Variants in GLB1 observed in about 807,000 individuals in gnomAD.
GLB1 encodes beta-galactosidase.
A neutral mutation model predicts 74.0 loss-of-function variants in GLB1; 56 were observed. The ratio of observed to expected loss-of-function variants is 0.76; its 90% CI spans 0.61 to 0.94. The LOEUF (loss-of-function observed/expected upper bound fraction) is 0.94. Among genes scored for constraint, GLB1 ranks in the 40% least tolerant of loss-of-function variants. The pLI, the probability that GLB1 is intolerant of heterozygous loss-of-function variation, is 0.00. For synonymous variants in GLB1, 323 were observed against 323.6 expected (o/e 1.00, Z 0.02); for missense variants, 787 against 845.5 (o/e 0.93, Z 0.86).
chr3:32,986,763 G>A, the GLB1 span, among the ~76,000 whole-genome samples: 57 of 152,010 alleles, frequency 3.7e-4, no homozygotes, highest in East Asian at 9.3e-3. Flanking sequence ...GCTAATTTTC[G>A]TGTTTTTAGT....
intron 10 of GLB1, among the ~76,000 whole-genome samples, chr3:33,040,003 T>C (rs990184365): frequency 1.3e-5 from 2 of 152,104 alleles, no homozygotes; most frequent in African/African-American, 4.8e-5. Context: ...CTGCATAAAC[T>C]GATAGAAATA....
the GLB1 span, among the ~76,000 whole-genome samples, chr3:32,966,854 T>C: frequency 6.6e-6 from 1 of 152,232 alleles, no homozygotes; most frequent in Non-Finnish European, 1.5e-5. Context: ...CTGCATACGC[T>C]GTCTTGCCTG....
At chr3:32,986,540 G>A in the GLB1 span, among the ~76,000 whole-genome samples, 51 of 151,494 alleles carry the variant, frequency 3.4e-4, no homozygotes, top group Non-Finnish European at 2.2e-4. Flanking sequence ...CACCTATGTC[G>A]CCGTGAATGG....
At chr3:33,002,591 T>C (rs1450453529) in intron 15 of GLB1, among the ~76,000 whole-genome samples, 3 of 152,136 alleles carry the variant, frequency 2.0e-5, no homozygotes, top group East Asian at 1.9e-4. Flanking sequence ...TTTTTAAAAA[T>C]AGACATAGAA....
intron 9 of GLB1, among the ~76,000 whole-genome samples, chr3:33,049,106 C>A (rs2125518143): frequency 6.6e-6 from 1 of 152,142 alleles, no homozygotes; most frequent in Admixed American, 6.5e-5. Context: ...GTGTCATGAA[C>A]CATAAAGTTC....
chr3:33,084,017 T>C (rs561875969), intron 1 of GLB1, among the ~76,000 whole-genome samples: 1 of 152,342 alleles, frequency 6.6e-6, no homozygotes, highest in Middle Eastern at 3.4e-3. Flanking sequence ...ATGCTGATTA[T>C]GTGAAGATGA....
chr3:32,967,518 T>G, the GLB1 span, among the ~76,000 whole-genome samples: 1 of 152,106 alleles, frequency 6.6e-6, no homozygotes, highest in Non-Finnish European at 1.5e-5. Context: ...AGATGGTATG[T>G]GAATTATATA....
chr3:33,065,452 T>G lies in GLB1; in HGVS notation c.552+11A>C, dbSNP rs1192544218. 2 of 1,572,086 alleles carry G rather than the reference T, an allele frequency of 1.3e-6. No homozygotes were observed. The highest frequency in any genetic ancestry group is 2.3e-5 in the East Asian group (1 of 43,560). On this transcript the variant is annotated intron_variant, in intron 5 of 15. Coordinates refer to ENST00000307363, the MANE Select transcript of GLB1 (RefSeq NM_000404.4). ...CTCCCCCAATCCATCCATGCTCAAC[T>G]CCAGGGTTACCTGCACTGTTATAAC...
At chr3:33,031,946 C>A (rs568649784) in intron 10 of GLB1, among the ~76,000 whole-genome samples, 1 of 152,020 alleles carries the variant, frequency 6.6e-6, no homozygotes, top group African/African-American at 2.4e-5. Flanking sequence ...TACAGGCATA[C>A]GCCATCATGC....
chr3:33,084,572 G>C (rs923191173), intron 1 of GLB1, among the ~76,000 whole-genome samples: 10 of 152,116 alleles, frequency 6.6e-5, no homozygotes, highest in South Asian at 6.2e-4. Flanking sequence ...CATTCCAAAA[G>C]ACTGGATAAA....
At chr3:32,970,127 C>A in the GLB1 span, among the ~76,000 whole-genome samples, 1 of 152,150 alleles carries the variant, frequency 6.6e-6, no homozygotes, top group Non-Finnish European at 1.5e-5. Flanking sequence ...GACAATGAAC[C>A]AACATTTGTG....
At chr3:33,056,939 C>CA (rs1370728078) in intron 6 of GLB1, among the ~76,000 whole-genome samples, 3 of 152,114 alleles carry the variant, frequency 2.0e-5, no homozygotes, top group East Asian at 3.9e-4. Flanking sequence ...GCCACACACA[C>CA]AAAAAAAGTC....
At chr3:33,064,776 CAAAAAAA>C (rs36181668) in intron 5 of GLB1, among the ~76,000 whole-genome samples, 2 of 64,538 alleles carry the variant, frequency 3.1e-5, no homozygotes, top group South Asian at 8.9e-4. Context: ...GACTCTCTCT[CAAAAAAA>C]AAAAAAAAAA....
the GLB1 span, among the ~76,000 whole-genome samples, chr3:32,978,529 T>G: frequency 6.6e-6 from 1 of 152,196 alleles, no homozygotes; most frequent in African/African-American, 2.4e-5. Flanking sequence ...CAAGCCTGCT[T>G]TCTTCCCTTT....
chr3:33,034,858 A>G, intron 10 of GLB1: 1 of 527,324 alleles, frequency 1.9e-6, no homozygotes, highest in South Asian at 1.5e-5. Context: ...CTGACTGATC[A>G]TCTAATCTGC....
intron 1 of GLB1, among the ~76,000 whole-genome samples, chr3:33,074,205 G>A (rs2125556363): frequency 6.6e-6 from 1 of 150,450 alleles, no homozygotes; most frequent in Admixed American, 6.6e-5. Flanking sequence ...AGCTACTCGG[G>A]AGATTGGGGC....
At chr3:32,992,323 A>T (rs1248982091), downstream of GLB1, among the ~76,000 whole-genome samples, 1 of 152,172 alleles carries the variant, frequency 6.6e-6, no homozygotes, top group East Asian at 1.9e-4. Context: ...TCAGGAGGAG[A>T]ACCAAGTTGT....
At chr3:33,027,044 T>C (rs114702130) in intron 10 of GLB1, among the ~76,000 whole-genome samples, 1,742 of 152,230 alleles carry the variant, frequency 0.011, 37 homozygotes, top group African/African-American at 0.039. Context: ...CACCACGTTG[T>C]GGGGGAAAAG....
At chr3:32,984,532 C>T in the GLB1 span, among the ~76,000 whole-genome samples, 1 of 152,060 alleles carries the variant, frequency 6.6e-6, no homozygotes, top group Non-Finnish European at 1.5e-5. Flanking sequence ...AATACCAGCA[C>T]GTTGTGGGGC....
Sources: gnomAD v4.1 joint callset for allele counts (sites outside exome capture counted in the v4.1 genomes callset) on GRCh38, gnomAD v4.1.1 for gene constraint, MANE v1.5 for transcripts, NCBI Gene and HGNC (gene_info 2026-07-23, HGNC 2026-07-21) for gene names.